Variants in VAT1L observed in about 807,000 individuals in gnomAD.
VAT1L encodes vesicle amine transport 1 like, also known as putative NADPH-dependent quinone oxidoreductase VAT1L.
A neutral mutation model predicts 44.1 loss-of-function variants in VAT1L; 34 were observed. That is an observed-to-expected ratio of 0.77 (90% CI 0.59 to 1.03). The LOEUF (loss-of-function observed/expected upper bound fraction) is 1.03. Ranked by LOEUF, VAT1L falls within the 50% of genes least tolerant of loss-of-function variation. VAT1L has a pLI of 0.00. For synonymous variants in VAT1L, 253 were observed against 202.2 expected (o/e 1.25, Z -2.13); for missense variants, 615 against 538.8 (o/e 1.14, Z -1.40).
At chr16:77,802,815 T>C (rs1318132277) in intron 1 of VAT1L, among the ~76,000 whole-genome samples, 1 of 152,216 alleles carries the variant, frequency 6.6e-6, no homozygotes, top group Non-Finnish European at 1.5e-5. Flanking sequence ...TCTTGCCATT[T>C]CTTGGCAATC....
In VAT1L at chr16:77,789,697, A is replaced by T. The variant is rs548668636; in HGVS notation, c.233+782A>T. 3.9e-5 allele frequency among the ~76,000 whole-genome samples: 6 copies of T among 152,078 alleles called. 1 individual carries two copies. In the South Asian group the frequency reaches 1.2e-3, roughly 32 times the overall value. ...CCATCCTCTGTTTCTCCGAGAGGGG[A>T]AAAAACCCTGATCAGTCTCCCCGGA... is the stretch of plus-strand genomic sequence containing the variant. On this transcript the variant is annotated intron_variant, in intron 1 of 8. Transcript: ENST00000302536.
chr16:77,804,014 T>C (rs1309090700), intron 1 of VAT1L, among the ~76,000 whole-genome samples: 1 of 152,122 alleles, frequency 6.6e-6, no homozygotes, highest in Non-Finnish European at 1.5e-5. Flanking sequence ...AGCCTCCTCT[T>C]ATGGAACTGT....
intron 1 of VAT1L, among the ~76,000 whole-genome samples, chr16:77,789,889 C>CT: frequency 6.6e-6 from 1 of 152,250 alleles, no homozygotes; most frequent in East Asian, 1.9e-4. Context: ...CTGGGAAGAG[C>CT]TTACCCAGCA....
intron 7 of VAT1L, among the ~76,000 whole-genome samples, chr16:77,920,933 GT>G (rs2017605011): frequency 2.0e-5 from 3 of 148,716 alleles, no homozygotes; most frequent in African/African-American, 7.8e-5. Flanking sequence ...ATGACTGTGT[GT>G]GTGTGTGTGT....
At position 77,917,175 on chromosome 16, in the gene VAT1L, A is replaced by G. The variant is rs114168989; in HGVS notation, c.1077+32373A>G. On this transcript the variant is annotated intron_variant, in intron 7 of 8. Coordinates refer to ENST00000302536, the MANE Select transcript of VAT1L (RefSeq NM_020927.3). ...AATTGAAGACCAATCTAGAGAGACGATAAGAGGGGAGAAAAAGAAATCTAA... is the reference window on the plus strand; with the variant it reads ...AATTGAAGACCAATCTAGAGAGACGGTAAGAGGGGAGAAAAAGAAATCTAA... 4.6e-3 allele frequency among the ~76,000 whole-genome samples: 702 copies of G among 152,240 alleles called. 2 individuals carry two copies. The highest frequency in any genetic ancestry group is 0.016 in the African/African-American group (674 of 41,552).
At position 77,825,378 on chromosome 16, in the gene VAT1L, G is replaced by A. The variant is rs1362163333; in HGVS notation, c.496G>A (p.Val166Ile). 6 of 1,613,802 alleles carry A rather than the reference G, an allele frequency of 3.7e-6. No homozygotes were observed. The highest frequency in any genetic ancestry group is 1.7e-5 in the Admixed American group (1 of 59,982). The change falls in exon 3 of 9, where the codon GTC becomes ATC. Residue 166 changes from valine to isoleucine, a missense_variant. By Grantham distance (29) the Val-to-Ile change is conservative (BLOSUM62 3). Coordinates refer to ENST00000302536, the MANE Select transcript of VAT1L (RefSeq NM_020927.3). ...SEAAAFPMNF[V>I]TAYVMLFEVA... Reference sequence around the variant, plus strand: ...GGCTGCTGCATTCCCCATGAACTTCGTCACAGCCTATGTGATGCTGTTTGA... The same window carrying A: ...GGCTGCTGCATTCCCCATGAACTTCATCACAGCCTATGTGATGCTGTTTGA...
chr16:77,969,446 C>T (rs1220430915), intron 7 of VAT1L, among the ~76,000 whole-genome samples: 2 of 152,066 alleles, frequency 1.3e-5, no homozygotes, highest in African/African-American at 2.4e-5. Flanking sequence ...CAGTTCCTCA[C>T]TGGCATTTGG....
At chr16:77,964,094 G>A (rs570409397) in intron 7 of VAT1L, among the ~76,000 whole-genome samples, 32 of 151,940 alleles carry the variant, frequency 2.1e-4, no homozygotes, top group African/African-American at 6.5e-4. Flanking sequence ...AGAATCCCAC[G>A]TGGGATTCAG....
At chr16:77,916,093 T>C (rs1055503622) in intron 7 of VAT1L, among the ~76,000 whole-genome samples, 5 of 152,128 alleles carry the variant, frequency 3.3e-5, no homozygotes, top group African/African-American at 4.8e-5. Context: ...GCAGGCAGCA[T>C]CAGCAAGAGA....
chr16:77,817,782 G>T (rs2016381504), intron 2 of VAT1L, among the ~76,000 whole-genome samples: 1 of 152,112 alleles, frequency 6.6e-6, no homozygotes, highest in Non-Finnish European at 1.5e-5. Context: ...TATAAAAACT[G>T]AAAACCTGTG....
chr16:77,966,995 C>G (rs2018230029), intron 7 of VAT1L, among the ~76,000 whole-genome samples: 1 of 151,006 alleles, frequency 6.6e-6, no homozygotes, highest in Non-Finnish European at 1.5e-5. Flanking sequence ...AGACAAGTCT[C>G]CCACGTGCTA....
At chr16:77,832,094 C>G (rs1490458006) in intron 3 of VAT1L, among the ~76,000 whole-genome samples, 1 of 150,890 alleles carries the variant, frequency 6.6e-6, no homozygotes, top group Non-Finnish European at 1.5e-5. Flanking sequence ...TCTCAAAGTG[C>G]TAGGATTACA....
At chr16:77,919,810 G>A (rs938255117) in intron 7 of VAT1L, among the ~76,000 whole-genome samples, 3 of 152,094 alleles carry the variant, frequency 2.0e-5, no homozygotes, top group Non-Finnish European at 4.4e-5. Context: ...AACCTTGGCC[G>A]GGCGTGGTAG....
At chr16:77,875,639 G>C (rs2017079975) in intron 4 of VAT1L, among the ~76,000 whole-genome samples, 1 of 152,142 alleles carries the variant, frequency 6.6e-6, no homozygotes, top group Non-Finnish European at 1.5e-5. Context: ...GAAATGAATA[G>C]AAGAGATCAA....
intron 3 of VAT1L, among the ~76,000 whole-genome samples, chr16:77,862,006 A>G (rs8064160): frequency 6.6e-6 from 1 of 152,158 alleles, no homozygotes; most frequent in Non-Finnish European, 1.5e-5. Flanking sequence ...CCAAATCGTT[A>G]TCTTAGGTTC....
rs572527308 is a variant in VAT1L, at chr16:77,841,125, G to A, written c.579+15664G>A. On this transcript the variant is annotated intron_variant, in intron 3 of 8. Coordinates refer to ENST00000302536, the MANE Select transcript of VAT1L (RefSeq NM_020927.3). ...AGGCAGAGTCTTGCTGTGTTGCCTG[G>A]ACTAGAGTGCAGTAGTGCAATCGGG... Among the ~76,000 whole-genome samples the A allele has an allele frequency of 2.0e-5, 3 of 152,290 alleles. No individual in the cohort carries two copies. In the East Asian group the frequency reaches 5.8e-4, roughly 29 times the overall value.
At chr16:77,908,827 C>T (rs1303391231) in intron 7 of VAT1L, among the ~76,000 whole-genome samples, 2 of 151,420 alleles carry the variant, frequency 1.3e-5, no homozygotes, top group South Asian at 2.1e-4. Flanking sequence ...GGCAGGAGCA[C>T]GGCGTGAACC....
intron 1 of VAT1L, chr16:77,801,373 A>T (rs1260760820): frequency 6.6e-6 from 1 of 152,202 alleles, no homozygotes; most frequent in African/African-American, 2.4e-5. Context: ...AAAAAAGAAC[A>T]TTCAGTAATA....
intron 3 of VAT1L, among the ~76,000 whole-genome samples, chr16:77,845,073 C>A (rs1445679947): frequency 1.3e-5 from 2 of 152,142 alleles, no homozygotes; most frequent in African/African-American, 4.8e-5. Context: ...AAGATTAAGT[C>A]ATTGGAAGAG....
Sources: allele counts gnomAD v4.1 joint callset (sites outside exome capture counted in the v4.1 genomes callset), GRCh38; gene constraint gnomAD v4.1.1; transcripts MANE v1.5; gene names NCBI Gene and HGNC (gene_info 2026-07-23, HGNC 2026-07-21).